The following CTNNA2 variants were observed in gnomAD, a reference collection of about 807,000 sequenced individuals.
CTNNA2 encodes the protein catenin alpha 2.
Under a neutral mutation model 101.0 loss-of-function variants are expected in CTNNA2, and 42 were observed. That is an observed-to-expected ratio of 0.42 (90% CI 0.32 to 0.54). The LOEUF (loss-of-function observed/expected upper bound fraction) is 0.54. Among genes scored for constraint, CTNNA2 ranks in the 20% least tolerant of loss-of-function variants. The pLI, the probability that CTNNA2 is intolerant of heterozygous loss-of-function variation, is 0.14. For synonymous variants in CTNNA2, 450 were observed against 456.4 expected (o/e 0.99, Z 0.18); for missense variants, 871 against 1,223.1 (o/e 0.71, Z 4.29).
intron 3 of CTNNA2, among the ~76,000 whole-genome samples, chr2:79,340,886 T>A (rs535464608): frequency 3.5e-4 from 32 of 91,612 alleles, no homozygotes; most frequent in South Asian, 7.2e-4. Flanking sequence ...GAGTACAGAA[T>A]CTAGGGATCT....
chr2:79,361,243 T>C (rs1677621431), intron 3 of CTNNA2, among the ~76,000 whole-genome samples: 1 of 152,214 alleles, frequency 6.6e-6, no homozygotes, highest in Admixed American at 6.5e-5. Context: ...TAATAGCTAA[T>C]GCATTTAGAT....
chr2:79,636,927 C>T (rs1680113385), intron 1 of CTNNA2: 1 of 152,102 alleles, frequency 6.6e-6, no homozygotes, highest in African/African-American at 2.4e-5. Flanking sequence ...ATCTTCTCCA[C>T]ATCTTTCTAA....
chr2:80,397,847 C>A (rs1240378152), intron 8 of CTNNA2, among the ~76,000 whole-genome samples: 1 of 152,106 alleles, frequency 6.6e-6, no homozygotes, highest in Non-Finnish European at 1.5e-5. Context: ...CTCTATCCTG[C>A]CTCTCCGTAG....
At position 80,630,498 on chromosome 2, in the gene CTNNA2, A is replaced by G. The variant is rs190037293; in HGVS notation, c.2574+11270A>G. Reference sequence around the variant, plus strand: ...CTAAAAATAAAAAAATTAGCTGGGCATGGTGGGGCATGCCTGTAATCCCAG... The same window carrying G: ...CTAAAAATAAAAAAATTAGCTGGGCGTGGTGGGGCATGCCTGTAATCCCAG... On this transcript the variant is annotated intron_variant, in intron 18 of 18. Coordinates refer to ENST00000402739, the MANE Select transcript of CTNNA2 (RefSeq NM_001282597.3). 9.1e-4 allele frequency among the ~76,000 whole-genome samples: 138 copies of G among 152,160 alleles called. 1 individual carries two copies. The East Asian group carries it at 0.024, about 26-fold the overall frequency.
At chr2:79,756,665 A>G (rs980224187) in intron 3 of CTNNA2, among the ~76,000 whole-genome samples, 1 of 152,228 alleles carries the variant, frequency 6.6e-6, no homozygotes, top group Admixed American at 6.5e-5. Context: ...AAACTGGTAA[A>G]TTACATATTT....
At chr2:80,530,160 AAG>A (rs1269044214) in intron 9 of CTNNA2, among the ~76,000 whole-genome samples, 1 of 152,130 alleles carries the variant, frequency 6.6e-6, no homozygotes, top group East Asian at 1.9e-4. Flanking sequence ...CTTGGAAAAA[AAG>A]GGACTCCATG....
chr2:80,291,989 G>C (rs1675305148), intron 7 of CTNNA2, among the ~76,000 whole-genome samples: 1 of 152,122 alleles, frequency 6.6e-6, no homozygotes, highest in Admixed American at 6.5e-5. Flanking sequence ...TGCAACTCCA[G>C]ACTTCACTGC....
At chr2:79,977,590 TA>T (rs1281563739) in intron 7 of CTNNA2, among the ~76,000 whole-genome samples, 11 of 152,164 alleles carry the variant, frequency 7.2e-5, no homozygotes, top group African/African-American at 2.7e-4. Context: ...AAAAATGCTT[TA>T]AAAATACAGT....
chr2:79,524,704 A>G (rs1193571148), intron 1 of CTNNA2: 4 of 151,980 alleles, frequency 2.6e-5, no homozygotes, highest in Non-Finnish European at 5.9e-5. Context: ...CACTGTCTAT[A>G]CTGTACTCCA....
intron 7 of CTNNA2, among the ~76,000 whole-genome samples, chr2:79,954,659 G>A (rs1393750554): frequency 6.6e-6 from 1 of 152,118 alleles, no homozygotes; most frequent in African/African-American, 2.4e-5. Flanking sequence ...GGAACAAAAA[G>A]AATCTGTGAG....
At position 80,303,740 on chromosome 2, in the gene CTNNA2, G is replaced by T; in HGVS notation, c.1057-89471G>T. 1.3e-6 allele frequency: 2 copies of T among 1,597,630 alleles called. No individual in the cohort carries two copies. Among genetic ancestry groups the T allele is most frequent in the South Asian group, 2.3e-5 (2 of 87,878 alleles). On this transcript the variant is annotated intron_variant, in intron 7 of 18. Coordinates refer to ENST00000402739, the MANE Select transcript of CTNNA2 (RefSeq NM_001282597.3). The surrounding 1 kb of genome is among the most constrained non-coding windows in gnomAD (Gnocchi z 7.7). ...GGCGGCGGGCAGCATCTGAAAGCAG[G>T]CCCCCAGCAGACACAAGACCACCCC... is the stretch of plus-strand genomic sequence containing the variant.
At chr2:80,358,829 C>T (rs1674102054) in intron 7 of CTNNA2, among the ~76,000 whole-genome samples, 1 of 152,018 alleles carries the variant, frequency 6.6e-6, no homozygotes, top group African/African-American at 2.4e-5. Context: ...AAAACTCTCA[C>T]ATCACTCTTT....
intron 3 of CTNNA2, among the ~76,000 whole-genome samples, chr2:79,346,297 T>C (rs1368963): frequency 0.67 from 102,269 of 152,018 alleles, 34,774 homozygotes; most frequent in Admixed American, 0.75. Flanking sequence ...TTATTATTAG[T>C]GTTATTAGTA....
chr2:79,629,100 C>G (rs1017308865), intron 1 of CTNNA2, among the ~76,000 whole-genome samples: 1 of 152,188 alleles, frequency 6.6e-6, no homozygotes, highest in African/African-American at 2.4e-5. Context: ...CGTCCCTTCC[C>G]CTTATTGCTT....
At chr2:80,074,126 A>G (rs1388206281) in intron 7 of CTNNA2, among the ~76,000 whole-genome samples, 1 of 152,146 alleles carries the variant, frequency 6.6e-6, no homozygotes, top group East Asian at 1.9e-4. Context: ...ATTCTAAAAT[A>G]TTTAATTATG....
intron 6 of CTNNA2, among the ~76,000 whole-genome samples, chr2:79,882,961 G>A (rs1278441354): frequency 6.6e-6 from 1 of 152,196 alleles, no homozygotes; most frequent in Non-Finnish European, 1.5e-5. Flanking sequence ...TGCCCCATGT[G>A]GCTCTGAGGT....
At chr2:80,452,676 G>A (rs1015226383) in intron 9 of CTNNA2, among the ~76,000 whole-genome samples, 1 of 151,628 alleles carries the variant, frequency 6.6e-6, no homozygotes, top group Admixed American at 6.5e-5. Flanking sequence ...GCTTCTTGCA[G>A]GTTGGGTTGG....
intron 7 of CTNNA2, among the ~76,000 whole-genome samples, chr2:80,027,522 C>T (rs1695008120): frequency 6.6e-6 from 1 of 152,106 alleles, no homozygotes; most frequent in Admixed American, 6.6e-5. Context: ...GGACAAAAGA[C>T]GAAGTGAGGA....
chr2:80,051,702 C>T (rs1440330220), intron 7 of CTNNA2, among the ~76,000 whole-genome samples: 1 of 151,960 alleles, frequency 6.6e-6, no homozygotes, highest in African/African-American at 2.4e-5. Context: ...TTTTTCCCCC[C>T]CACAGAGGCC....
Sources: gnomAD v4.1 joint callset for allele counts (sites outside exome capture counted in the v4.1 genomes callset) on GRCh38, gnomAD v4.1.1 for gene constraint, Gnocchi (gnomAD v3.1) non-coding constraint, MANE v1.5 for transcripts, NCBI Gene and HGNC (gene_info 2026-07-23, HGNC 2026-07-21) for gene names.